The following RAPGEF6 variants were observed in gnomAD, a reference collection of about 807,000 sequenced individuals.
The protein encoded by RAPGEF6 is Rap guanine nucleotide exchange factor 6, also known as PDZ domain containing guanine nucleotide exchange factor (GEF) 2.
Under a neutral mutation model 171.4 loss-of-function variants are expected in RAPGEF6, and 56 were observed. That is an observed-to-expected ratio of 0.33 (90% confidence interval 0.26 to 0.41). The LOEUF (loss-of-function observed/expected upper bound fraction) is 0.41. Ranked by LOEUF, RAPGEF6 falls within the 10% of genes least tolerant of loss-of-function variation. RAPGEF6 has a pLI of 1.00. For missense variants in RAPGEF6, 1,674 were observed against 1,921.4 expected (o/e 0.87, Z 2.41); for synonymous variants, 692 against 650.1 (o/e 1.06, Z -0.98).
At chr5:131,582,399 G>C (rs548015773) in intron 4 of RAPGEF6, among the ~76,000 whole-genome samples, 2 of 152,016 alleles carry the variant, frequency 1.3e-5, no homozygotes, top group East Asian at 3.9e-4. Flanking sequence ...CAGGCAAAAA[G>C]ATAAAATTAG....
Position 131,492,768 on chromosome 5 carries a change from G to A in RAPGEF6, c.1545C>T (p.Leu515=). 3 of 1,612,684 alleles carry A rather than the reference G, an allele frequency of 1.9e-6. No homozygotes were observed. The highest frequency in any genetic ancestry group is 2.5e-6 in the Non-Finnish European group (3 of 1,178,704). The change falls in exon 14 of 28, where the codon CTC becomes CTT. Residue 515 remains leucine (L), a synonymous_variant. Coordinates refer to ENST00000509018, the MANE Select transcript of RAPGEF6 (RefSeq NM_016340.6). The stretch of plus-strand genomic sequence containing the variant: ...CAGCACAGGCAATATTCAATAACCG[G>A]AGATGACCATTCATCTTCTGTTAAG... ...NLEDTKMNGH[L]RLLNIACAAK...
At chr5:131,633,109 G>A (rs1401024273) in intron 1 of RAPGEF6, among the ~76,000 whole-genome samples, 2 of 151,640 alleles carry the variant, frequency 1.3e-5, no homozygotes, top group South Asian at 2.1e-4. Flanking sequence ...CGAGGCGAGC[G>A]GATCATGATG....
intron 21 of RAPGEF6, among the ~76,000 whole-genome samples, chr5:131,449,844 A>C (rs890936510): frequency 6.6e-6 from 1 of 152,218 alleles, no homozygotes; most frequent in African/African-American, 2.4e-5. Flanking sequence ...AAAATAAAGG[A>C]AAAATAGCTA....
At chr5:131,521,217 A>C (rs368280786) in intron 7 of RAPGEF6, among the ~76,000 whole-genome samples, 173 bp downstream of exon 7, 3 of 152,240 alleles carry the variant, frequency 2.0e-5, no homozygotes, top group African/African-American at 4.8e-5. Context: ...AAGACAGATC[A>C]CGTCTTTAAT....
In RAPGEF6 at chr5:131,548,188, T is replaced by C. The variant is rs755980314; in HGVS notation, c.354A>G (p.Val118=). The change falls in exon 6 of 28, where the codon GTA becomes GTG. Residue 118 remains valine, a splice_region_variant and synonymous_variant. Coordinates refer to ENST00000509018, the MANE Select transcript of RAPGEF6 (RefSeq NM_016340.6). The part of the protein sequence containing the change: ...LVLEPSEMIV[V]ENAKDNEDSI... ...TATCTTCATTATCTTTGGCATTCTC[T>C]ACCTGAAACACATGTTCATATTCCT... is the stretch of plus-strand genomic sequence containing the variant. 5 of 1,613,536 alleles carry C rather than the reference T, an allele frequency of 3.1e-6. No individual in the cohort carries two copies. The highest frequency in any genetic ancestry group is 4.2e-6 in the Non-Finnish European group (5 of 1,179,622).
At chr5:131,551,038 GTT>G (rs1318879266) in intron 5 of RAPGEF6, among the ~76,000 whole-genome samples, 3 of 152,164 alleles carry the variant, frequency 2.0e-5, no homozygotes, top group Non-Finnish European at 4.4e-5. Flanking sequence ...CAAAATAGGT[GTT>G]TAATTAAATT....
chr5:131,629,035 G>A (rs895502236), intron 1 of RAPGEF6, among the ~76,000 whole-genome samples: 2 of 152,008 alleles, frequency 1.3e-5, no homozygotes, highest in African/African-American at 4.8e-5. Context: ...TGTGGCCCAT[G>A]GATCAAGGAA....
At chr5:131,449,908 C>G in intron 21 of RAPGEF6, 1 of 1,155,150 alleles carries the variant, frequency 8.7e-7, no homozygotes, top group Non-Finnish European at 1.2e-6. Context: ...GGAATGTAGG[C>G]TGACAGGGTT....
intron 15 of RAPGEF6, among the ~76,000 whole-genome samples, chr5:131,489,143 A>G (rs560536766): frequency 3.3e-5 from 5 of 152,350 alleles, no homozygotes; most frequent in East Asian, 3.9e-4. Context: ...TCTGGCATTC[A>G]TATTACTTCA....
At chr5:131,465,884 T>C (rs1754300274) in intron 17 of RAPGEF6, among the ~76,000 whole-genome samples, 1 of 152,130 alleles carries the variant, frequency 6.6e-6, no homozygotes, top group Non-Finnish European at 1.5e-5. Context: ...GGGGCTCAAG[T>C]AATTATACTG....
At chr5:131,580,534 G>A (rs1435869060) in intron 4 of RAPGEF6, among the ~76,000 whole-genome samples, 1 of 152,218 alleles carries the variant, frequency 6.6e-6, no homozygotes, top group East Asian at 1.9e-4. Context: ...AGCAGATGCC[G>A]AGGAGGCGGT....
intron 5 of RAPGEF6, among the ~76,000 whole-genome samples, chr5:131,559,340 A>G (rs370662362): frequency 6.6e-6 from 1 of 152,062 alleles, no homozygotes; most frequent in African/African-American, 2.4e-5. Flanking sequence ...AAATGAAAAT[A>G]AAAATAAAAA....
chr5:131,442,425 T>G lies in RAPGEF6; in HGVS notation c.3534A>C (p.Val1178=). The G allele has an allele frequency of 6.2e-7, 1 of 1,614,168 alleles. No individual in the cohort carries two copies. Among genetic ancestry groups the G allele is most frequent in the Non-Finnish European group, 8.5e-7 (1 of 1,180,018 alleles). ...TKAHLHQPHR[V]SQVLQVPAVN... ...CAGCTGGCACCTGAAGCACCTGGCT[T>G]ACTCTGTGGGGTTGATGCAAGTGGG... The change falls in exon 23 of 28, where the codon GTA becomes GTC. Residue 1178 remains valine, a synonymous_variant. Transcript: ENST00000509018.
At chr5:131,619,001 A>C (rs1332251862) in intron 1 of RAPGEF6, among the ~76,000 whole-genome samples, 1 of 151,952 alleles carries the variant, frequency 6.6e-6, no homozygotes, top group Admixed American at 6.6e-5. Context: ...TACATTCTAT[A>C]AGGCAGCCGG....
At chr5:131,504,496 T>G in intron 11 of RAPGEF6, 130 bp downstream of exon 11, 1 of 976,302 alleles carries the variant, frequency 1.0e-6, no homozygotes, top group East Asian at 2.8e-5. Flanking sequence ...AGACAAAGAG[T>G]CAACATTTAA....
chr5:131,463,855 T>A, intron 18 of RAPGEF6, 186 bp downstream of exon 18: 1 of 1,275,194 alleles, frequency 7.8e-7, no homozygotes, highest in East Asian at 3.0e-5. Context: ...AAACAGGAAC[T>A]AGATTATATC....
intron 15 of RAPGEF6, among the ~76,000 whole-genome samples, chr5:131,487,556 AT>A (rs1756001911): frequency 6.6e-6 from 1 of 151,932 alleles, no homozygotes; most frequent in Non-Finnish European, 1.5e-5. Context: ...TGCATTTACA[AT>A]CCTTTAGCTA....
chr5:131,512,413 C>T lies in RAPGEF6; in HGVS notation c.628-1922G>A, dbSNP rs529233669. Among the ~76,000 whole-genome samples, 8 of 151,350 alleles carry T rather than the reference C, an allele frequency of 5.3e-5. No homozygotes were observed. In the South Asian group the frequency reaches 6.3e-4, roughly 12 times the overall value. ...TAAAGACAGGGTTTCACTCTGTCAC[C>T]CAAGTTGTGCAGTGGTATGATCACA... On this transcript the variant is annotated intron_variant, in intron 7 of 27. Transcript: ENST00000509018.
chr5:131,440,182 G>C lies in RAPGEF6; in HGVS notation c.3611-467C>G, dbSNP rs761826943. On this transcript the variant is annotated intron_variant, in intron 23 of 27. Coordinates refer to ENST00000509018, the MANE Select transcript of RAPGEF6 (RefSeq NM_016340.6). ...CTGTGCTGTGGGTATACGGGAAGAG[G>C]CTGCAGGGCTGCCAGTCCAGCCCTT... 1.3e-4 allele frequency: 57 copies of C among 456,000 alleles called. No homozygotes were observed. The East Asian group carries it at 3.4e-3, about 27-fold the overall frequency. 28.2% of individuals were successfully genotyped at this position (456,000 alleles called of 1,614,324 possible).
Sources: allele counts gnomAD v4.1 joint callset (sites outside exome capture counted in the v4.1 genomes callset), GRCh38; gene constraint gnomAD v4.1.1; transcripts MANE v1.5; gene names NCBI Gene and HGNC (gene_info 2026-07-23, HGNC 2026-07-21).